GPR180: variants seen among roughly 807,000 people sequenced by gnomAD.
The protein encoded by GPR180 is G protein-coupled receptor 180.
In GPR180, 53 loss-of-function variants were observed where a neutral mutation model predicts 52.6. The ratio of observed to expected loss-of-function variants is 1.01; its 90% CI spans 0.81 to 1.27. The LOEUF is 1.27. Ranked by LOEUF, GPR180 falls within the 50% of genes most tolerant of loss-of-function variation. The probability of loss-of-function intolerance (pLI) is 0.00; values close to 1 mark genes in which losing one functional copy is unlikely to be tolerated. For missense variants in GPR180, 533 were observed against 527.0 expected, an observed-to-expected ratio of 1.01 and a Z score of -0.11; for synonymous variants, 200 against 193.1, an observed-to-expected ratio of 1.04 and a Z score of -0.30.
chr13:94,625,991 A>G lies in GPR180; in HGVS notation c.1112A>G (p.His371Arg), dbSNP rs756603771. ...AKGCILWFLCHPVLACISVIF... is the reference protein window; with the variant it reads ...AKGCILWFLCRPVLACISVIF... ...GGCTGTATCTTGTGGTTTTTATGCC[A>G]TCCAGTTCTTGCATGCATTTCTGTC... Residue 371 changes from histidine to arginine, a missense_variant, in exon 8 of 9, where the codon CAT becomes CGT. Coordinates refer to ENST00000376958, the MANE Select transcript of GPR180 (RefSeq NM_180989.6). 2 of 1,612,262 alleles carry G rather than the reference A, an allele frequency of 1.2e-6. No homozygotes were observed. The highest frequency in any genetic ancestry group is 1.1e-5 in the South Asian group (1 of 90,962).
chr13:94,623,077 T>C, intron 6 of GPR180, 32 bp from the exon 7 acceptor site: 1 of 1,534,764 alleles, frequency 6.5e-7, no homozygotes, highest in Non-Finnish European at 8.9e-7. Context: ...ATATTTTTTT[T>C]TCCTAAATGT....
chr13:94,610,237 C>T (rs1889685896), intron 2 of GPR180, among the ~76,000 whole-genome samples: 1 of 152,090 alleles, frequency 6.6e-6, no homozygotes, highest in Non-Finnish European at 1.5e-5. Flanking sequence ...CTATAATGTC[C>T]TCTGAAATCT....
intron 5 of GPR180, among the ~76,000 whole-genome samples, chr13:94,620,558 T>C (rs1285007506): frequency 3.9e-5 from 6 of 152,200 alleles, no homozygotes; most frequent in Admixed American, 3.9e-4. Context: ...GTAAAGCCAA[T>C]GTTTGGATGT....
At chr13:94,622,056 A>G (rs1326127496) in intron 6 of GPR180, among the ~76,000 whole-genome samples, 3 of 152,184 alleles carry the variant, frequency 2.0e-5, no homozygotes, top group Admixed American at 6.5e-5. Context: ...TCATCTTTCT[A>G]TCCCTAGTAT....
chr13:94,627,425 G>T lies in GPR180; in HGVS notation c.*254G>T. 2.4e-6 allele frequency: 1 copy of T among 408,644 alleles called. No individual in the cohort carries two copies. The highest frequency in any genetic ancestry group is 4.3e-6 in the Non-Finnish European group (1 of 233,694). The allele number at this position is 408,644 out of a possible 1,614,324, so 25.3% of individuals were successfully genotyped here. A position where few individuals can be genotyped will look rare whatever the true frequency, so the allele number is the denominator to read the frequency against. ...AAATTATTGAAGCGATTTCTATGTG[G>T]AAATAAATGTGAAAAATAACTATGA... On this transcript the variant is annotated 3_prime_UTR_variant, in exon 9 of 9. Coordinates refer to ENST00000376958, the MANE Select transcript of GPR180 (RefSeq NM_180989.6).
intron 6 of GPR180, 40 bp from the exon 7 acceptor site, chr13:94,623,069 A>AT (rs143343146): frequency 9.4e-4 from 1,345 of 1,425,598 alleles, no homozygotes; most frequent in Non-Finnish European, 1.1e-3. Context: ...AATGAGGTAT[A>AT]TTTTTTTTTC....
chr13:94,605,302 C>T lies in GPR180; in HGVS notation c.146-89C>T, dbSNP rs112486345. 5.9e-6 allele frequency: 7 copies of T among 1,183,668 alleles called. No homozygotes were observed. In the African/African-American group the frequency reaches 7.7e-5, roughly 13 times the overall value. The allele number at this position is 1,183,668 out of a possible 1,614,324, so 73.3% of individuals were successfully genotyped here. On this transcript the variant is annotated intron_variant, in intron 1 of 8. Coordinates refer to ENST00000376958, the MANE Select transcript of GPR180 (RefSeq NM_180989.6). ...AGAAGAATTGTGCTTTTTAAATTTC[C>T]ATTTTGGTAAGTAGAGGTGTTGAGT...
chr13:94,620,298 T>C (rs1572935), intron 5 of GPR180, among the ~76,000 whole-genome samples: 36,692 of 151,856 alleles, frequency 0.24, 4,642 homozygotes, highest in East Asian at 0.33. Context: ...CATCAAAATA[T>C]GCTGTGAAGA....
chr13:94,614,061 T>C (rs549579359), intron 3 of GPR180, among the ~76,000 whole-genome samples: 29 of 152,090 alleles, frequency 1.9e-4, no homozygotes, highest in Admixed American at 5.2e-4. Flanking sequence ...GTATTTTTAG[T>C]AGAGACGAGG....
At chr13:94,612,863 T>A (rs1197242155) in intron 3 of GPR180, among the ~76,000 whole-genome samples, 2 of 141,918 alleles carry the variant, frequency 1.4e-5, no homozygotes, top group Non-Finnish European at 3.0e-5. Context: ...TTTGTATGGG[T>A]AACTCTGTAC....
At chr13:94,621,887 G>C (rs556821850) in intron 6 of GPR180, among the ~76,000 whole-genome samples, 1 of 151,742 alleles carries the variant, frequency 6.6e-6, no homozygotes, top group Admixed American at 6.6e-5. Context: ...TAAGAAGAAA[G>C]GTTATAAAGA....
At chr13:94,608,476 A>G (rs1889661499) in intron 2 of GPR180, among the ~76,000 whole-genome samples, 1 of 152,192 alleles carries the variant, frequency 6.6e-6, no homozygotes, top group African/African-American at 2.4e-5. Context: ...TAGAGGAATG[A>G]AGGTTGTTTT....
intron 8 of GPR180, 122 bp from the exon 9 acceptor site, chr13:94,626,891 T>C: frequency 1.4e-6 from 1 of 713,076 alleles, no homozygotes; most frequent in East Asian, 3.2e-5. Context: ...AATGTACCTA[T>C]GGTAAAGATG....
rs1415424641 is a variant in GPR180 at position 94,601,863 on chromosome 13, C to T, written c.-65C>T. On this transcript the variant is annotated 5_prime_UTR_variant, in exon 1 of 9. Transcript: ENST00000376958. ...CGCCCACCCCGCCTCCCCCAGCTGC[C>T]GACGTGGGGCGGGCAGCCGCCGGCG... The T allele has an allele frequency of 4.5e-6, 6 of 1,322,292 alleles. No homozygotes were observed. The African/African-American group carries it at 7.7e-5, about 17-fold the overall frequency. The allele number at this position is 1,322,292 out of a possible 1,614,324, so 81.9% of individuals were successfully genotyped here.
intron 1 of GPR180, among the ~76,000 whole-genome samples, chr13:94,603,693 A>C (rs1889590144): frequency 6.6e-6 from 1 of 152,144 alleles, no homozygotes; most frequent in South Asian, 2.1e-4. Context: ...TGTATATTTA[A>C]ATATATTTAA....
chr13:94,606,287 C>T (rs1009277466), intron 2 of GPR180, among the ~76,000 whole-genome samples: 2 of 152,184 alleles, frequency 1.3e-5, no homozygotes, highest in African/African-American at 4.8e-5. Context: ...CAGAGTGAGA[C>T]TTTGTCTCAA....
At chr13:94,605,139 C>T (rs1429846052) in intron 1 of GPR180, among the ~76,000 whole-genome samples, 1 of 152,050 alleles carries the variant, frequency 6.6e-6, no homozygotes, top group Non-Finnish European at 1.5e-5. Context: ...TTCAAATACC[C>T]CAGATATTGC....
Position 94,627,032 on chromosome 13 carries a change from T to C in GPR180, c.1184T>C (p.Ile395Thr). 1 of 1,609,530 alleles carries C rather than the reference T, an allele frequency of 6.2e-7. No homozygotes were observed. Among genetic ancestry groups the C allele is most frequent in the Non-Finnish European group, 8.5e-7 (1 of 1,178,214 alleles). The change falls in exon 9 of 9, where the codon ATC becomes ACC. Residue 395 changes from isoleucine to threonine, a missense_variant. Physicochemically the swap from Ile to Thr is moderately conservative, Grantham distance 89 (BLOSUM62 -1). Transcript: ENST00000376958. ...TTTCAGGTTATTACAATAGGTGTTA[T>C]CCTTTGCCAGTCTGTTTCCATGGTT... ...QRDKVITIGV[I>T]LCQSVSMVIL... is the part of the protein sequence containing the mutation.
chr13:94,605,067 G>C (rs183682591), intron 1 of GPR180, among the ~76,000 whole-genome samples: 4 of 152,202 alleles, frequency 2.6e-5, no homozygotes, highest in African/African-American at 9.6e-5. Context: ...TATAGATTAT[G>C]AATAAAATAT....
Sources: gnomAD v4.1 joint callset for allele counts (sites outside exome capture counted in the v4.1 genomes callset) on GRCh38, gnomAD v4.1.1 for gene constraint, MANE v1.5 for transcripts, NCBI Gene and HGNC (gene_info 2026-07-23, HGNC 2026-07-21) for gene names.